ZNF423: variants seen among roughly 807,000 people sequenced by gnomAD.
ZNF423 encodes zinc finger protein 423.
A neutral mutation model predicts 95.8 loss-of-function variants in ZNF423; 12 were observed. The ratio of observed to expected loss-of-function variants is 0.13; its 90% CI spans 0.08 to 0.20. ZNF423 has a LOEUF of 0.20. Among genes scored for constraint, ZNF423 ranks in the 10% least tolerant of loss-of-function variants. ZNF423 has a pLI of 1.00. For missense variants in ZNF423, 1,316 were observed against 1,737.1 expected, an observed-to-expected ratio of 0.76 and a Z score of 4.31; for synonymous variants, 749 against 711.9, an observed-to-expected ratio of 1.05 and a Z score of -0.83.
At chr16:49,540,047 CT>C (rs1422711757) in intron 5 of ZNF423, among the ~76,000 whole-genome samples, 1 of 152,192 alleles carries the variant, frequency 6.6e-6, no homozygotes. Context: ...GGCCAATGTT[CT>C]GGTGCCACTG....
intron 2 of ZNF423, among the ~76,000 whole-genome samples, chr16:49,759,441 G>A (rs1008226631): frequency 9.2e-5 from 14 of 151,904 alleles, no homozygotes; most frequent in African/African-American, 1.9e-4. Flanking sequence ...TTGCCTAGGT[G>A]CAATGCAACC....
intron 7 of ZNF423, among the ~76,000 whole-genome samples, chr16:49,518,995 T>C (rs1407454685): frequency 2.0e-5 from 3 of 152,088 alleles, no homozygotes; most frequent in Non-Finnish European, 4.4e-5. Flanking sequence ...GCCCCGGAGG[T>C]TGAGGCTGCA....
intron 5 of ZNF423, among the ~76,000 whole-genome samples, chr16:49,580,756 G>A (rs1279519147): frequency 6.6e-6 from 1 of 152,126 alleles, no homozygotes; most frequent in Non-Finnish European, 1.5e-5. Flanking sequence ...CCACATTCGA[G>A]GGTAGAAAAG....
intron 5 of ZNF423, among the ~76,000 whole-genome samples, chr16:49,570,340 A>G (rs891525730): frequency 1.3e-5 from 2 of 152,132 alleles, no homozygotes; most frequent in African/African-American, 4.8e-5. Context: ...TACCATCCCC[A>G]TTTTACAGAT....
chr16:49,551,116 G>A (rs1394368229), intron 5 of ZNF423, among the ~76,000 whole-genome samples: 2 of 152,208 alleles, frequency 1.3e-5, no homozygotes, highest in African/African-American at 2.4e-5. Flanking sequence ...GGCCCCCCAC[G>A]GAAGGCCCTC....
chr16:49,591,522 A>C (rs949000730), intron 5 of ZNF423, among the ~76,000 whole-genome samples: 1 of 151,992 alleles, frequency 6.6e-6, no homozygotes, highest in Admixed American at 6.5e-5. Flanking sequence ...AACTAAACAC[A>C]AGTGTGCAAA....
upstream of ZNF423, among the ~76,000 whole-genome samples, chr16:49,858,093 C>T (rs1402822976): frequency 6.6e-6 from 1 of 152,090 alleles, no homozygotes; most frequent in Non-Finnish European, 1.5e-5. This position sits in a 1 kb window ranked among gnomAD's most constrained non-coding sequence, Gnocchi z 4.3. Context: ...GGGTGCACGG[C>T]GCGGCGCTGG....
chr16:49,746,861 C>T (rs559616046), intron 2 of ZNF423, among the ~76,000 whole-genome samples: 4 of 152,224 alleles, frequency 2.6e-5, no homozygotes, highest in Non-Finnish European at 5.9e-5. Flanking sequence ...CGAAGCAGCA[C>T]CTCACGGTGC....
intron 5 of ZNF423, among the ~76,000 whole-genome samples, chr16:49,587,530 G>A (rs888198361): frequency 1.3e-5 from 2 of 152,140 alleles, no homozygotes; most frequent in African/African-American, 4.8e-5. Context: ...GAGACAAGGG[G>A]CTTTGACACT....
At chr16:49,537,073 TAG>T (rs1969077932) in intron 5 of ZNF423, among the ~76,000 whole-genome samples, 2 of 152,238 alleles carry the variant, frequency 1.3e-5, no homozygotes, top group African/African-American at 4.8e-5. Context: ...AGAAACCACT[TAG>T]ATGTGAACTT....
intron 5 of ZNF423, among the ~76,000 whole-genome samples, chr16:49,597,120 C>T (rs1340308847): frequency 6.6e-6 from 1 of 152,164 alleles, no homozygotes; most frequent in African/African-American, 2.4e-5. Flanking sequence ...TGGAGCACTC[C>T]AAGTTGGGAG....
chr16:49,638,636 G>T lies in ZNF423; in HGVS notation c.540C>A (p.Ser180Arg), dbSNP rs200570572. The T allele has an allele frequency of 6.2e-7, 1 of 1,613,852 alleles. No homozygotes were observed. The highest frequency in any genetic ancestry group is 2.2e-5 in the East Asian group (1 of 44,878). Residue 180 changes from serine to arginine, a missense_variant, in exon 4 of 8, where the codon AGC becomes AGA. Ser to Arg is a moderately radical substitution (Grantham distance 110, BLOSUM62 -1). Coordinates refer to ENST00000563137, the MANE Select transcript of ZNF423 (RefSeq NM_001379286.1). The surrounding 1 kb of genome is among the most constrained non-coding windows in gnomAD (Gnocchi z 5.6). ...GGCTCCTCTTGTGCTTGAAGAGGCGGCTGCAGTAGGTGCACTTGAACGGCA... is the reference window on the plus strand; with the variant it reads ...GGCTCCTCTTGTGCTTGAAGAGGCGTCTGCAGTAGGTGCACTTGAACGGCA... ...DKLPFKCTYC[S>R]RLFKHKRSRD...
intron 5 of ZNF423, among the ~76,000 whole-genome samples, chr16:49,571,637 G>A (rs1289126847): frequency 6.6e-6 from 1 of 152,164 alleles, no homozygotes; most frequent in Non-Finnish European, 1.5e-5. Context: ...GCTCCAGACA[G>A]GGAGACACAT....
chr16:49,822,572 G>T, intron 1 of ZNF423: 2 of 988,326 alleles, frequency 2.0e-6, no homozygotes, highest in Admixed American at 2.6e-5. Context: ...GAAGGGATGA[G>T]ACCCACATTG....
chr16:49,856,673 C>G (rs916623515), upstream of ZNF423, among the ~76,000 whole-genome samples: 30 of 149,722 alleles, frequency 2.0e-4, no homozygotes, highest in African/African-American at 7.0e-4. Flanking sequence ...GCCGGCCCCC[C>G]GGAGGAGGAA....
rs1011637788 is a variant in ZNF423, at chr16:49,609,887, A to T, written c.3601+16283T>A. Among the ~76,000 whole-genome samples the T allele has an allele frequency of 2.6e-5, 4 of 152,252 alleles. No homozygotes were observed. In the East Asian group the frequency reaches 5.8e-4, roughly 22 times the overall value. On this transcript the variant is annotated intron_variant, in intron 5 of 7. Transcript: ENST00000563137. Reference sequence around the variant, plus strand: ...GGAAATCCACACCAAGACAAATCATATTCCAACTCCTGAAAACTCCAGGAC... The same window carrying T: ...GGAAATCCACACCAAGACAAATCATTTTCCAACTCCTGAAAACTCCAGGAC...
intron 5 of ZNF423, among the ~76,000 whole-genome samples, chr16:49,595,819 C>T (rs1971162973): frequency 6.6e-6 from 1 of 152,128 alleles, no homozygotes; most frequent in South Asian, 2.1e-4. Flanking sequence ...AACCAAAGGC[C>T]TAAAATAAAC....
At position 49,568,572 on chromosome 16, in the gene ZNF423, C is replaced by T. The variant is rs1393193285; in HGVS notation, c.3602-43078G>A. 3.9e-5 allele frequency among the ~76,000 whole-genome samples: 6 copies of T among 152,262 alleles called. No homozygotes were observed. The East Asian group carries it at 9.7e-4, about 25-fold the overall frequency. On this transcript the variant is annotated intron_variant, in intron 5 of 7. Transcript: ENST00000563137. ...TGCCTCCCATGGAGGGCTTTTGTCC[C>T]TTTTTGTCCCTCTGTCTGTCTCCCT... is the stretch of plus-strand genomic sequence containing the variant.
chr16:49,638,911 C>T lies in ZNF423; in HGVS notation c.302-37G>A, dbSNP rs1972867597. ...GGCAGAGAGGATATTAGAGGCAATT[C>T]CCAGGGCTGCCGAGAAACAAGGACA... On this transcript the variant is annotated intron_variant, in intron 3 of 7. Transcript: ENST00000563137. This position sits in a 1 kb window ranked among gnomAD's most constrained non-coding sequence, Gnocchi z 5.6. The T allele has an allele frequency of 2.6e-6, 4 of 1,555,432 alleles. No homozygotes were observed. The South Asian group carries it at 3.7e-5, about 14-fold the overall frequency.
Sources: allele counts gnomAD v4.1 joint callset (sites outside exome capture counted in the v4.1 genomes callset), GRCh38; gene constraint gnomAD v4.1.1; non-coding constraint Gnocchi (gnomAD v3.1); transcripts MANE v1.5; gene names NCBI Gene and HGNC (gene_info 2026-07-23, HGNC 2026-07-21).